The following CORO2B variants were observed in gnomAD, a reference collection of about 807,000 sequenced individuals.
CORO2B encodes the protein coronin-2B.
In CORO2B, 26 loss-of-function variants were observed where a neutral mutation model predicts 58.8. The ratio of observed to expected loss-of-function variants is 0.44; its 90% CI spans 0.32 to 0.61. The LOEUF (loss-of-function observed/expected upper bound fraction) is 0.61, where lower values mean the gene tolerates loss of function less well. Among genes scored for constraint, CORO2B ranks in the 20% least tolerant of loss-of-function variants. The pLI is 0.04. For synonymous variants in CORO2B, 242 were observed against 253.8 expected (o/e 0.95, Z 0.44); for missense variants, 460 against 645.1 (o/e 0.71, Z 3.11).
chr15:68,539,932 GTA>G, the CORO2B span, among the ~76,000 whole-genome samples: 2 of 152,324 alleles, frequency 1.3e-5, no homozygotes, highest in East Asian at 3.9e-4. Context: ...TTTGGTTAAA[GTA>G]TATAAAGAAA....
In CORO2B at chr15:68,692,784, C is replaced by T. The variant is rs543881616; in HGVS notation, c.217-2356C>T. On this transcript the variant is annotated intron_variant, in intron 2 of 11. Coordinates refer to ENST00000261861, the MANE Select transcript of CORO2B (RefSeq NM_006091.5). ...AAGTAGCTGGGATTACAGGTGCCCA[C>T]CACCATGCCTGGCTAATTTTTGTAT... Among the ~76,000 whole-genome samples the T allele has an allele frequency of 2.6e-5, 4 of 151,390 alleles. No individual in the cohort carries two copies. The South Asian group carries it at 8.4e-4, about 32-fold the overall frequency.
At chr15:68,650,380 A>ATGGAG in intron 2 of CORO2B, among the ~76,000 whole-genome samples, 1 of 41,928 alleles carries the variant, frequency 2.4e-5, no homozygotes, top group Admixed American at 3.1e-4. Flanking sequence ...AAAAAAAAAA[A>ATGGAG]AAAAAAAAAA....
intron 1 of CORO2B, among the ~76,000 whole-genome samples, chr15:68,605,352 A>C (rs1566982999): frequency 6.6e-6 from 1 of 152,234 alleles, no homozygotes. Flanking sequence ...TCCAAAGGAA[A>C]TAATCCAAAG....
chr15:68,629,266 G>A (rs1435850961), intron 1 of CORO2B, among the ~76,000 whole-genome samples: 1 of 152,252 alleles, frequency 6.6e-6, no homozygotes, highest in East Asian at 1.9e-4. Flanking sequence ...CTCCATTGCA[G>A]GTCTGCTGTG....
chr15:68,717,311 CAAA>C (rs78726358), intron 8 of CORO2B, among the ~76,000 whole-genome samples: 1 of 112,612 alleles, frequency 8.9e-6, no homozygotes. Context: ...CAGACTCTGT[CAAA>C]AAAAAAAAAA....
At chr15:68,576,501 G>C (rs1189870517), upstream of CORO2B, among the ~76,000 whole-genome samples, 1 of 152,226 alleles carries the variant, frequency 6.6e-6, no homozygotes, top group Non-Finnish European at 1.5e-5. Flanking sequence ...CAAGAGGCAT[G>C]CTGGGAGCTC....
chr15:68,722,201 A>G (rs1209055077), intron 11 of CORO2B, among the ~76,000 whole-genome samples: 1 of 152,204 alleles, frequency 6.6e-6, no homozygotes, highest in Non-Finnish European at 1.5e-5. Flanking sequence ...AAATCAAGCA[A>G]TATTTCGCTG....
chr15:68,627,522 G>A (rs1900717048), intron 1 of CORO2B, among the ~76,000 whole-genome samples: 1 of 152,178 alleles, frequency 6.6e-6, no homozygotes, highest in South Asian at 2.1e-4. Flanking sequence ...TCTTGGGGTT[G>A]GGGAGGTGGA....
the CORO2B span, among the ~76,000 whole-genome samples, chr15:68,563,428 G>T: frequency 1.3e-5 from 2 of 151,408 alleles, no homozygotes; most frequent in African/African-American, 4.9e-5. Context: ...TTGAGGCTGT[G>T]GTGAGCCTTG....
At chr15:68,594,706 G>A (rs1233325023) in intron 1 of CORO2B, among the ~76,000 whole-genome samples, 1 of 152,250 alleles carries the variant, frequency 6.6e-6, no homozygotes, top group African/African-American at 2.4e-5. Flanking sequence ...CCAATGAGCA[G>A]AGGTGGAATT....
At chr15:68,592,368 T>C (rs755383170) in intron 1 of CORO2B, among the ~76,000 whole-genome samples, 1 of 152,124 alleles carries the variant, frequency 6.6e-6, no homozygotes, top group African/African-American at 2.4e-5. Context: ...TCTATTTCAT[T>C]GGGAGAGCCC....
At chr15:68,708,642 G>A (rs1183054371) in intron 3 of CORO2B, among the ~76,000 whole-genome samples, 5 of 151,596 alleles carry the variant, frequency 3.3e-5, no homozygotes, top group African/African-American at 9.7e-5. Context: ...GATTACAGGC[G>A]TGAGCCACCG....
At chr15:68,635,101 A>G (rs1014365585) in intron 1 of CORO2B, among the ~76,000 whole-genome samples, 3 of 152,120 alleles carry the variant, frequency 2.0e-5, no homozygotes, top group Non-Finnish European at 4.4e-5. Flanking sequence ...CACTCCAAGG[A>G]TCTGTTCCCC....
chr15:68,723,886 G>T (rs917335478), intron 11 of CORO2B, among the ~76,000 whole-genome samples: 1 of 152,094 alleles, frequency 6.6e-6, no homozygotes, highest in African/African-American at 2.4e-5. Flanking sequence ...TCCAGCCTGG[G>T]CAACATGGCA....
chr15:68,721,889 C>T (rs1281850815), intron 11 of CORO2B, among the ~76,000 whole-genome samples: 3 of 152,000 alleles, frequency 2.0e-5, no homozygotes, highest in African/African-American at 4.8e-5. Context: ...CTGGAACTAG[C>T]GGCGTGTACC....
At chr15:68,624,142 C>T (rs1222994683) in intron 1 of CORO2B, among the ~76,000 whole-genome samples, 1 of 152,116 alleles carries the variant, frequency 6.6e-6, no homozygotes, top group Non-Finnish European at 1.5e-5. Context: ...AAGCCAGCTG[C>T]CCAGCTTAAG....
chr15:68,527,256 C>CT, the CORO2B span, among the ~76,000 whole-genome samples: 5 of 152,148 alleles, frequency 3.3e-5, no homozygotes, highest in Non-Finnish European at 1.5e-5. Flanking sequence ...TCTTTCCCAG[C>CT]TAGGCAATCC....
At chr15:68,658,531 C>G (rs937942459) in intron 2 of CORO2B, among the ~76,000 whole-genome samples, 1 of 152,214 alleles carries the variant, frequency 6.6e-6, no homozygotes, top group Non-Finnish European at 1.5e-5. Flanking sequence ...GTGCTTAACT[C>G]TTTGCACCCA....
chr15:68,709,588 C>A (rs1043430454), intron 3 of CORO2B, among the ~76,000 whole-genome samples: 1 of 151,408 alleles, frequency 6.6e-6, no homozygotes, highest in Non-Finnish European at 1.5e-5. Flanking sequence ...TCCCGAGTAG[C>A]TGGGACTATA....
Sources: allele counts gnomAD v4.1 joint callset (sites outside exome capture counted in the v4.1 genomes callset), GRCh38; gene constraint gnomAD v4.1.1; transcripts MANE v1.5; gene names NCBI Gene and HGNC (gene_info 2026-07-23, HGNC 2026-07-21).